The following VSTM2A variants were observed in gnomAD, a reference collection of about 807,000 sequenced individuals.
VSTM2A encodes V-set and transmembrane domain containing 2A.
A neutral mutation model predicts 27.3 loss-of-function variants in VSTM2A; 13 were observed. The observed-to-expected ratio is 0.48, with a 90% CI of 0.31 to 0.76. The LOEUF is 0.76. Ranked by LOEUF, VSTM2A falls within the 30% of genes least tolerant of loss-of-function variation. The pLI, the probability that VSTM2A is intolerant of heterozygous loss-of-function variation, is 0.05. For missense variants in VSTM2A, 280 were observed against 310.0 expected (o/e 0.90, Z 0.73); for synonymous variants, 142 against 125.7 (o/e 1.13, Z -0.87).
intron 3 of VSTM2A, among the ~76,000 whole-genome samples, chr7:54,549,445 C>G (rs1461614266): frequency 6.6e-6 from 1 of 152,170 alleles, no homozygotes; most frequent in Non-Finnish European, 1.5e-5. Context: ...TTATAGCCCA[C>G]AGGGAAGAAA....
Position 54,570,696 on chromosome 7 carries a change from G to GT in VSTM2A, c.*1477_*1478insT, listed in dbSNP as rs1788866265. 1 of 152,110 alleles carries GT rather than the reference G, an allele frequency of 6.6e-6. No individual in the cohort carries two copies. The highest frequency in any genetic ancestry group is 2.4e-5 in the African/African-American group (1 of 41,426). The allele number at this position is 152,110 out of a possible 1,614,324, so 9.4% of individuals were successfully genotyped here. A position where few individuals can be genotyped will look rare whatever the true frequency, so the allele number is the denominator to read the frequency against. On this transcript the variant is annotated 3_prime_UTR_variant, in exon 5 of 5. Coordinates refer to ENST00000402613, the MANE Select transcript of VSTM2A (RefSeq NM_001301009.2). The stretch of plus-strand genomic sequence containing the variant: ...CTACTCTGGCAAAGAAAGATAGGCA[G>GT]AACTATTAGTGTTCCATATACATTA...
chr7:54,554,986 A>G (rs887313087), intron 4 of VSTM2A, among the ~76,000 whole-genome samples: 1 of 152,238 alleles, frequency 6.6e-6, no homozygotes, highest in Non-Finnish European at 1.5e-5. Context: ...GACTGAATTT[A>G]TCTTAGCTTT....
chr7:54,560,671 A>G (rs902852449), intron 4 of VSTM2A, among the ~76,000 whole-genome samples: 2 of 152,174 alleles, frequency 1.3e-5, no homozygotes, highest in African/African-American at 4.8e-5. Context: ...AACATACCTA[A>G]TATAGGTGAA....
rs536774288 is a variant in VSTM2A, at chr7:54,547,094, C to T, written c.297+97C>T. On this transcript the variant is annotated intron_variant, in intron 3 of 4. Transcript: ENST00000402613. ...GCGGCTTGCCAGCGCTGCAGGACAG[C>T]CGGACAGCCGGGTGCCCCTTGCTTG... 70 of 1,405,112 alleles carry T rather than the reference C, an allele frequency of 5.0e-5. No individual in the cohort carries two copies. In the African/African-American group the frequency reaches 8.7e-4, roughly 17 times the overall value. The allele number at this position is 1,405,112 out of a possible 1,614,324, so 87.0% of individuals were successfully genotyped here. A position where few individuals can be genotyped will look rare whatever the true frequency, so the allele number is the denominator to read the frequency against.
intron 2 of VSTM2A, among the ~76,000 whole-genome samples, chr7:54,545,422 G>A (rs1348515215): frequency 6.9e-6 from 1 of 145,366 alleles, no homozygotes. Flanking sequence ...GGGAGAGACG[G>A]AAGGGAAAGA....
rs1224888980 is a variant in VSTM2A at position 54,570,285 on chromosome 7, T to C, written c.*1066T>C. The stretch of plus-strand genomic sequence containing the variant: ...TTATTATCATTATAATCTTGTCAAA[T>C]AGAAATGTTGCTTCTAGAAAATTTG... On this transcript the variant is annotated 3_prime_UTR_variant, in exon 5 of 5. Transcript: ENST00000402613. The C allele has an allele frequency of 3.3e-5, 5 of 152,212 alleles. No homozygotes were observed. Among genetic ancestry groups the C allele is most frequent in the Admixed American group, 2.0e-4 (3 of 15,276 alleles). 9.4% of individuals were successfully genotyped at this position (152,212 alleles called of 1,614,324 possible).
chr7:54,542,889 A>C (rs1787831077), intron 1 of VSTM2A, 80 bp downstream of exon 1: 1 of 1,335,122 alleles, frequency 7.5e-7, no homozygotes, highest in African/African-American at 1.5e-5. Context: ...GGACAGGCAG[A>C]TAGAATAAGC....
intron 3 of VSTM2A, among the ~76,000 whole-genome samples, chr7:54,547,426 C>T (rs1277936261): frequency 6.6e-6 from 1 of 152,128 alleles, no homozygotes; most frequent in Non-Finnish European, 1.5e-5. Context: ...AATTAAGCAA[C>T]TAAATTTTGA....
At chr7:54,567,721 A>T (rs984044685) in intron 4 of VSTM2A, among the ~76,000 whole-genome samples, 1 of 152,242 alleles carries the variant, frequency 6.6e-6, no homozygotes, top group Non-Finnish European at 1.5e-5. Flanking sequence ...GAAATCAAGT[A>T]CTATTGCCTA....
In VSTM2A at chr7:54,569,207, C is replaced by T. The variant is rs1311120335; in HGVS notation, c.711C>T (p.Pro237=). The T allele has an allele frequency of 1.3e-6, 2 of 1,551,556 alleles. No individual in the cohort carries two copies. Among genetic ancestry groups the T allele is most frequent in the African/African-American group, 2.7e-5 (2 of 73,044 alleles). ...LTLNSKHHPA[P]TVL ...TAAACTCCAAGCACCACCCTGCACC[C>T]ACTGTACTCTAATTCACTACACAAG... Residue 237 remains proline, a synonymous_variant, in exon 5 of 5, where the codon CCC becomes CCT. Transcript: ENST00000402613.
chr7:54,553,980 TCA>T lies in VSTM2A; in HGVS notation c.634+3815_634+3816del, dbSNP rs369738575. ...TGACCCCCTTCCCACCTTCCCAACG[TCA>T]CACAGAACTGTGAAGCGGCTTCCTG... On this transcript the variant is annotated intron_variant, in intron 4 of 4. Transcript: ENST00000402613. 1.1e-4 allele frequency: 166 copies of T among 1,552,988 alleles called. 1 individual carries two copies. The highest frequency in any genetic ancestry group is 1.0e-3 in the Middle Eastern group (6 of 5,998).
At chr7:54,549,058 T>C (rs1190936062) in intron 3 of VSTM2A, among the ~76,000 whole-genome samples, 2 of 150,764 alleles carry the variant, frequency 1.3e-5, no homozygotes, top group Non-Finnish European at 3.0e-5. Context: ...CTAATATATA[T>C]ATCAGATATA....
intron 2 of VSTM2A, among the ~76,000 whole-genome samples, chr7:54,545,528 G>A (rs1410486799): frequency 8.1e-6 from 1 of 123,024 alleles, no homozygotes; most frequent in Non-Finnish European, 1.7e-5. Context: ...AGGGAAGGAG[G>A]GAAGGGAGAA....
chr7:54,548,534 C>T (rs1380401334), intron 3 of VSTM2A, among the ~76,000 whole-genome samples: 1 of 151,932 alleles, frequency 6.6e-6, no homozygotes, highest in Non-Finnish European at 1.5e-5. Flanking sequence ...CCAGGTGATT[C>T]TAATGTACAC....
At chr7:54,566,850 T>C (rs1263777227) in intron 4 of VSTM2A, among the ~76,000 whole-genome samples, 1 of 152,220 alleles carries the variant, frequency 6.6e-6, no homozygotes, top group Non-Finnish European at 1.5e-5. Context: ...AGCATTTCTG[T>C]CTTTAAAATG....
intron 4 of VSTM2A, among the ~76,000 whole-genome samples, chr7:54,555,311 A>AT (rs1032105233): frequency 6.6e-6 from 1 of 152,178 alleles, no homozygotes. Flanking sequence ...TGAAATGATT[A>AT]TTTTTTTCAA....
At chr7:54,543,783 C>A (rs1374814239) in intron 1 of VSTM2A, among the ~76,000 whole-genome samples, 1 of 152,134 alleles carries the variant, frequency 6.6e-6, no homozygotes, top group South Asian at 2.1e-4. Context: ...AAGATAAGAA[C>A]AACCACGTTG....
At position 54,560,453 on chromosome 7, in the gene VSTM2A, A is replaced by G. The variant is rs112457440; in HGVS notation, c.635-8678A>G. Among the ~76,000 whole-genome samples the G allele has an allele frequency of 9.4e-3, 1,425 of 152,284 alleles. 10 individuals carry two copies. The highest frequency in any genetic ancestry group is 0.032 in the African/African-American group (1,311 of 41,574). ...ATACAAGCAAATAAAATATCATGCA[A>G]TCATTTTTCCTGTCAATGAGATGAC... On this transcript the variant is annotated intron_variant, in intron 4 of 4. Transcript: ENST00000402613.
At chr7:54,567,603 G>A (rs1279169770) in intron 4 of VSTM2A, among the ~76,000 whole-genome samples, 2 of 152,130 alleles carry the variant, frequency 1.3e-5, no homozygotes, top group Non-Finnish European at 2.9e-5. Flanking sequence ...ATGCTGAAAA[G>A]AAAACCAATA....
Sources: allele counts gnomAD v4.1 joint callset (sites outside exome capture counted in the v4.1 genomes callset), GRCh38; gene constraint gnomAD v4.1.1; transcripts MANE v1.5; gene names NCBI Gene and HGNC (gene_info 2026-07-23, HGNC 2026-07-21).